The following UBE3A variants were observed in gnomAD, a reference collection of about 807,000 sequenced individuals.
UBE3A encodes ubiquitin protein ligase E3A.
In UBE3A, 6 loss-of-function variants were observed where a neutral mutation model predicts 83.4. The ratio of observed to expected loss-of-function variants is 0.07; its 90% CI spans 0.04 to 0.14. UBE3A has a LOEUF of 0.14. Ranked by LOEUF, UBE3A falls within the 10% of genes least tolerant of loss-of-function variation. The pLI, the probability that UBE3A is intolerant of heterozygous loss-of-function variation, is 1.00. For missense variants in UBE3A, 456 were observed against 1,036.1 expected (o/e 0.44, Z 7.69); for synonymous variants, 337 against 355.4 (o/e 0.95, Z 0.58).
intron 6 of UBE3A, among the ~76,000 whole-genome samples, chr15:25,362,072 A>C (rs1460119767): frequency 1.3e-5 from 2 of 152,208 alleles, no homozygotes; most frequent in Non-Finnish European, 2.9e-5. Context: ...ATCAGAATGC[A>C]TTCCACATAG....
chr15:25,436,987 T>C (rs1369888636), intron 1 of UBE3A, among the ~76,000 whole-genome samples: 1 of 152,222 alleles, frequency 6.6e-6, no homozygotes, highest in Admixed American at 6.5e-5. Flanking sequence ...GTAAAGATTA[T>C]AAGTTACCTC....
intron 1 of UBE3A, among the ~76,000 whole-genome samples, chr15:25,412,733 T>C (rs1258087151): frequency 6.7e-6 from 1 of 150,168 alleles, no homozygotes; most frequent in African/African-American, 2.5e-5. Flanking sequence ...TTAAGAAACC[T>C]ATCCAGTGTC....
chr15:25,346,286 G>C (rs577310942), intron 11 of UBE3A: 1 of 152,588 alleles, frequency 6.6e-6, no homozygotes, highest in East Asian at 1.9e-4. Context: ...CTAGGAACCA[G>C]TGCGAGCCCC....
At chr15:25,340,330 T>A (rs2152516457) in intron 11 of UBE3A, 102 bp from the exon 12 acceptor site, 1 of 1,368,376 alleles carries the variant, frequency 7.3e-7, no homozygotes, top group Non-Finnish European at 1.0e-6. Flanking sequence ...AGAGACAACT[T>A]GGAAGTTAAT....
At chr15:25,367,351 G>T (rs933940837) in intron 6 of UBE3A, among the ~76,000 whole-genome samples, 22 of 150,410 alleles carry the variant, frequency 1.5e-4, no homozygotes, top group African/African-American at 5.1e-4. Context: ...TGTAAATATG[G>T]TTTTACATAT....
chr15:25,391,868 G>A (rs148802048), intron 4 of UBE3A: 1 of 152,372 alleles, frequency 6.6e-6, no homozygotes, highest in African/African-American at 2.4e-5. Context: ...AAGCAGCAGT[G>A]ATGCAGAGGT....
chr15:25,433,388 G>A (rs570102686), intron 1 of UBE3A, among the ~76,000 whole-genome samples: 52 of 151,968 alleles, frequency 3.4e-4, no homozygotes, highest in Middle Eastern at 3.4e-3. Flanking sequence ...AGGTTTCACC[G>A]TGTTGGCCAG....
chr15:25,343,599 A>C (rs1339675702), intron 11 of UBE3A, among the ~76,000 whole-genome samples: 1 of 152,166 alleles, frequency 6.6e-6, no homozygotes, highest in Non-Finnish European at 1.5e-5. Context: ...ATAACTAAAG[A>C]AATGCATATC....
chr15:25,413,659 A>G (rs1219105873), intron 1 of UBE3A, among the ~76,000 whole-genome samples: 2 of 152,092 alleles, frequency 1.3e-5, no homozygotes, highest in Non-Finnish European at 2.9e-5. Context: ...TCAGAGTACC[A>G]TTTCTTTATC....
At chr15:25,394,478 A>T (rs1270714445) in intron 4 of UBE3A, among the ~76,000 whole-genome samples, 1 of 152,238 alleles carries the variant, frequency 6.6e-6, no homozygotes, top group African/African-American at 2.4e-5. Flanking sequence ...TTACTTCAGA[A>T]AATATTTCAG....
intron 4 of UBE3A, chr15:25,391,451 C>T (rs749181526): frequency 3.3e-5 from 5 of 152,112 alleles, no homozygotes; most frequent in Non-Finnish European, 7.4e-5. Context: ...ACAATTGTAC[C>T]GTACACTTCA....
At chr15:25,374,704 T>TG (rs2080897898) in intron 5 of UBE3A, 3 of 151,322 alleles carry the variant, frequency 2.0e-5, no homozygotes, top group African/African-American at 7.3e-5. Context: ...TTGTATGTCA[T>TG]AAAAAAAAAG....
chr15:25,339,119 A>ATTTTT lies in UBE3A; in HGVS notation c.*17_*18insAAAAA. 7.0e-7 allele frequency: 1 copy of ATTTTT among 1,429,772 alleles called. No homozygotes were observed. 88.6% of individuals were successfully genotyped at this position (1,429,772 alleles called of 1,614,324 possible). A position where few individuals can be genotyped will look rare whatever the true frequency, so the allele number is the denominator to read the frequency against. ...TTTTTTCCTTCCTTTTTTTTGTTTT[A>ATTTTT]TTTTGTTTTGTTTTGTTTTACAGCA... On this transcript the variant is annotated 3_prime_UTR_variant, in exon 13 of 13. Transcript: ENST00000648336.
In UBE3A at chr15:25,360,410, C is replaced by A; in HGVS notation, c.1726G>T (p.Val576Leu). Residue 576 changes from valine (V) to leucine (L), a missense_variant, in exon 7 of 13, where the codon GTG (valine) becomes TTG (leucine). By Grantham distance (32) the Val-to-Leu change is conservative. Coordinates refer to ENST00000648336, the MANE Select transcript of UBE3A (RefSeq NM_130839.5). ...ATATCTGGATTGAAGATTTCCTCCACAACCAGCTGAAAAAATTCTTTGGAA... is the reference window on the plus strand; with the variant it reads ...ATATCTGGATTGAAGATTTCCTCCAAAACCAGCTGAAAAAATTCTTTGGAA... The part of the protein sequence containing the change: ...GVSKEFFQLV[V>L]EEIFNPDIGM... The A allele has an allele frequency of 6.2e-7, 1 of 1,613,838 alleles. No homozygotes were observed. Among genetic ancestry groups the A allele is most frequent in the Non-Finnish European group, 8.5e-7 (1 of 1,179,896 alleles).
intron 4 of UBE3A, among the ~76,000 whole-genome samples, chr15:25,398,771 T>TTTTATATA (rs1555415735): frequency 1.5e-5 from 1 of 68,934 alleles, no homozygotes; most frequent in East Asian, 3.4e-4. Flanking sequence ...ATTCTTTTAT[T>TTTTATATA]TATATATATA....
In UBE3A at chr15:25,334,465, A is replaced by G. The variant is rs1368254697; in HGVS notation, c.*4672T>C. 3 of 152,174 alleles carry G rather than the reference A, an allele frequency of 2.0e-5. No individual in the cohort carries two copies. The highest frequency in any genetic ancestry group is 4.4e-5 in the Non-Finnish European group (3 of 68,040). 9.4% of individuals were successfully genotyped at this position (152,174 alleles called of 1,614,324 possible). On this transcript the variant is annotated 3_prime_UTR_variant, in exon 13 of 13. Coordinates refer to ENST00000648336, the MANE Select transcript of UBE3A (RefSeq NM_130839.5). ...ACAGAAAACCTAACACCATTAAAATAGCAGTTATTTCTCAAATTTATCTAC... is the reference window on the plus strand; with the variant it reads ...ACAGAAAACCTAACACCATTAAAATGGCAGTTATTTCTCAAATTTATCTAC...
At chr15:25,414,358 G>C (rs2090499954) in intron 1 of UBE3A, among the ~76,000 whole-genome samples, 1 of 152,060 alleles carries the variant, frequency 6.6e-6, no homozygotes, top group Non-Finnish European at 1.5e-5. Context: ...GTGCCTACTA[G>C]GTGGATGAAG....
intron 4 of UBE3A, among the ~76,000 whole-genome samples, chr15:25,400,650 T>C (rs1386095250): frequency 1.3e-5 from 2 of 152,244 alleles, no homozygotes; most frequent in Non-Finnish European, 2.9e-5. Context: ...GATTTTTGTA[T>C]CTTGATTTTA....
chr15:25,382,676 T>C (rs1331222257), intron 4 of UBE3A, among the ~76,000 whole-genome samples: 2 of 152,136 alleles, frequency 1.3e-5, no homozygotes, highest in Non-Finnish European at 2.9e-5. Flanking sequence ...GTAGCTGTTT[T>C]ATTGAAAAGA....
Sources: allele counts gnomAD v4.1 joint callset (sites outside exome capture counted in the v4.1 genomes callset), GRCh38; gene constraint gnomAD v4.1.1; transcripts MANE v1.5; gene names NCBI Gene and HGNC (gene_info 2026-07-23, HGNC 2026-07-21).